Variants in STK32B observed in about 807,000 individuals in gnomAD.
The protein encoded by STK32B is serine/threonine kinase 32B, also known as serine/threonine-protein kinase 32B.
In STK32B, 43 loss-of-function variants were observed where a neutral mutation model predicts 52.6. The ratio of observed to expected loss-of-function variants is 0.82; its 90% CI spans 0.64 to 1.05. The LOEUF (loss-of-function observed/expected upper bound fraction) is 1.05, where lower values mean the gene tolerates loss of function less well. Ranked by LOEUF, STK32B falls within the 50% of genes least tolerant of loss-of-function variation. The pLI is 0.00. For missense variants in STK32B, 621 were observed against 534.6 expected (o/e 1.16, Z -1.59); for synonymous variants, 238 against 204.3 (o/e 1.17, Z -1.41).
the STK32B span, chr4:5,019,590 C>T: frequency 2.3e-6 from 2 of 858,248 alleles, no homozygotes; most frequent in East Asian, 6.7e-5. Context: ...AGCACGCCCA[C>T]CGGGCAGGGT....
At chr4:5,313,337 G>A (rs980983922) in intron 3 of STK32B, among the ~76,000 whole-genome samples, 3 of 151,806 alleles carry the variant, frequency 2.0e-5, no homozygotes, top group African/African-American at 7.3e-5. Flanking sequence ...AACATCTGTG[G>A]TAAACATTCA....
chr4:5,226,874 T>C (rs73797136), intron 3 of STK32B, among the ~76,000 whole-genome samples: 2,247 of 152,332 alleles, frequency 0.015, 61 homozygotes, highest in African/African-American at 0.051. Context: ...TTGGAACATA[T>C]ACTCCGTGGA....
chr4:5,054,514 G>T (rs1014229949), intron 1 of STK32B, among the ~76,000 whole-genome samples: 1 of 83,246 alleles, frequency 1.2e-5, no homozygotes, highest in African/African-American at 5.0e-5. Flanking sequence ...TGGCTCATGT[G>T]GGGGGATTGA....
intron 3 of STK32B, among the ~76,000 whole-genome samples, chr4:5,274,498 C>T (rs1032178245): frequency 6.6e-6 from 1 of 152,120 alleles, no homozygotes; most frequent in African/African-American, 2.4e-5. Flanking sequence ...GTGACCACAT[C>T]CACCTTTAAA....
chr4:5,278,403 G>A (rs1727979716), intron 3 of STK32B, among the ~76,000 whole-genome samples: 1 of 152,116 alleles, frequency 6.6e-6, no homozygotes, highest in South Asian at 2.1e-4. Flanking sequence ...TGTGGGCGTA[G>A]GAGATGAGAC....
At chr4:5,286,087 G>A (rs1278719472) in intron 3 of STK32B, among the ~76,000 whole-genome samples, 1 of 152,028 alleles carries the variant, frequency 6.6e-6, no homozygotes, top group Non-Finnish European at 1.5e-5. Flanking sequence ...AACCAACCCT[G>A]CCAATGCCAT....
intron 4 of STK32B, among the ~76,000 whole-genome samples, chr4:5,369,636 A>T (rs1322970921): frequency 1.3e-5 from 2 of 152,120 alleles, no homozygotes; most frequent in Admixed American, 6.5e-5. Flanking sequence ...CTGACACATC[A>T]TGCCTGCTTG....
At chr4:5,101,011 G>A (rs918561591) in intron 1 of STK32B, among the ~76,000 whole-genome samples, 2 of 152,024 alleles carry the variant, frequency 1.3e-5, no homozygotes, top group African/African-American at 2.4e-5. Flanking sequence ...TAATCCACCT[G>A]CCTCAGTCTC....
At chr4:5,122,211 C>T (rs1343296499) in intron 1 of STK32B, among the ~76,000 whole-genome samples, 3 of 149,676 alleles carry the variant, frequency 2.0e-5, no homozygotes, top group East Asian at 1.9e-4. Flanking sequence ...CATTCTTTTA[C>T]TCATTCACTC....
intron 3 of STK32B, among the ~76,000 whole-genome samples, chr4:5,195,241 A>C (rs1475382255): frequency 6.6e-6 from 1 of 152,136 alleles, no homozygotes; most frequent in Non-Finnish European, 1.5e-5. Context: ...TGATTTGCCA[A>C]TATATTCTTC....
intron 3 of STK32B, among the ~76,000 whole-genome samples, chr4:5,328,073 T>G (rs1190254483): frequency 2.6e-5 from 4 of 152,194 alleles, no homozygotes; most frequent in African/African-American, 9.6e-5. Flanking sequence ...GCTCTTTTTC[T>G]GCAACTCCCT....
intron 1 of STK32B, among the ~76,000 whole-genome samples, chr4:5,116,062 C>T (rs1384688825): frequency 6.6e-6 from 1 of 152,106 alleles, no homozygotes; most frequent in African/African-American, 2.4e-5. Context: ...GACAGACCCT[C>T]AGACTAGAGA....
intron 3 of STK32B, among the ~76,000 whole-genome samples, chr4:5,195,227 C>G (rs1019579340): frequency 1.3e-5 from 2 of 152,186 alleles, no homozygotes; most frequent in Admixed American, 1.3e-4. Context: ...AGGACATGTA[C>G]CTTTGATTTG....
chr4:5,246,592 C>G (rs191082161), intron 3 of STK32B, among the ~76,000 whole-genome samples: 16 of 152,302 alleles, frequency 1.1e-4, no homozygotes, highest in Admixed American at 9.2e-4. Context: ...CATTCTCTGT[C>G]CAGCTTTGTT....
intron 3 of STK32B, among the ~76,000 whole-genome samples, chr4:5,318,289 C>G (rs2108933008): frequency 6.6e-6 from 1 of 152,156 alleles, no homozygotes; most frequent in African/African-American, 2.4e-5. Context: ...AGTGGGGCTT[C>G]TTAAAACAGG....
chr4:5,268,538 G>GGTGTGTGTGTGT (rs10593272), intron 3 of STK32B, among the ~76,000 whole-genome samples: 2 of 140,092 alleles, frequency 1.4e-5, no homozygotes, highest in East Asian at 2.1e-4. Flanking sequence ...TGCTTGGTGT[G>GGTGTGTGTGTGT]GTGTGTGTGT....
At chr4:5,354,663 A>C (rs1467639873) in intron 4 of STK32B, among the ~76,000 whole-genome samples, 1 of 152,196 alleles carries the variant, frequency 6.6e-6, no homozygotes, top group Non-Finnish European at 1.5e-5. Context: ...GCTTGAACTT[A>C]AATTGTTCCC....
chr4:5,021,820 A>G, the STK32B span, among the ~76,000 whole-genome samples: 1 of 152,200 alleles, frequency 6.6e-6, no homozygotes, highest in African/African-American at 2.4e-5. Flanking sequence ...GGCTGTAGCC[A>G]TAAGCTGTCA....
At position 5,453,222 on chromosome 4, in the gene STK32B, AG is replaced by A. The variant is rs1716163380; in HGVS notation, c.667-3582del. 8.7e-6 allele frequency among the ~76,000 whole-genome samples: 1 copy of A among 114,640 alleles called. No homozygotes were observed. Among genetic ancestry groups the A allele is most frequent in the Non-Finnish European group, 2.0e-5 (1 of 48,978 alleles). 75.2% of individuals were successfully genotyped at this position (114,640 alleles called of 152,430 possible). On this transcript the variant is annotated intron_variant, in intron 7 of 11. Transcript: ENST00000282908. This position sits in a 1 kb window ranked among gnomAD's most constrained non-coding sequence, Gnocchi z 4.0. ...AGAAGGAGAGAGAATTACAGAGATT[AG>A]GGAGAGAGAGAGAGAGAGAGAGTAG... is the stretch of plus-strand genomic sequence containing the variant.
Sources: gnomAD v4.1 joint callset for allele counts (sites outside exome capture counted in the v4.1 genomes callset) on GRCh38, gnomAD v4.1.1 for gene constraint, Gnocchi (gnomAD v3.1) non-coding constraint, MANE v1.5 for transcripts, NCBI Gene and HGNC (gene_info 2026-07-23, HGNC 2026-07-21) for gene names.